Variants in MVB12B observed in about 807,000 individuals in gnomAD.
MVB12B encodes ESCRT-I complex subunit MVB12B.
A neutral mutation model predicts 41.6 loss-of-function variants in MVB12B; 16 were observed. That is an observed-to-expected ratio of 0.38 (90% CI 0.26 to 0.58). MVB12B has a LOEUF of 0.58. MVB12B is among the 20% of genes least tolerant of loss of function. MVB12B has a pLI of 0.62. For synonymous variants in MVB12B, 133 were observed against 139.7 expected (o/e 0.95, Z 0.34); for missense variants, 274 against 380.2 (o/e 0.72, Z 2.32).
intron 2 of MVB12B, among the ~76,000 whole-genome samples, chr9:126,374,721 T>C (rs1830434514): frequency 6.6e-6 from 1 of 152,194 alleles, no homozygotes. Flanking sequence ...CTTTGGACAT[T>C]GTCACCCACT....
chr9:126,424,649 C>T (rs1000457263), intron 7 of MVB12B, among the ~76,000 whole-genome samples: 6 of 152,186 alleles, frequency 3.9e-5, no homozygotes, highest in Non-Finnish European at 7.3e-5. Flanking sequence ...TGCATTCTGC[C>T]GACCAAAATT....
intron 2 of MVB12B, among the ~76,000 whole-genome samples, chr9:126,378,595 GTC>G (rs550976810): frequency 6.6e-6 from 1 of 151,360 alleles, no homozygotes; most frequent in Admixed American, 6.6e-5. Context: ...GGTTAGGGGA[GTC>G]TCTCTCTCTC....
chr9:126,450,533 C>T (rs1339023630), intron 7 of MVB12B, among the ~76,000 whole-genome samples: 1 of 152,164 alleles, frequency 6.6e-6, no homozygotes, highest in East Asian at 1.9e-4. Flanking sequence ...GGATTATTTA[C>T]AGGAAACTGC....
intron 3 of MVB12B, among the ~76,000 whole-genome samples, chr9:126,382,859 C>T (rs953497303): frequency 5.9e-5 from 9 of 152,042 alleles, no homozygotes; most frequent in Non-Finnish European, 1.0e-4. Context: ...CATTGGGTGT[C>T]ATGGGTAAGT....
At chr9:126,415,542 G>A (rs998830352) in intron 6 of MVB12B, among the ~76,000 whole-genome samples, 7 of 152,142 alleles carry the variant, frequency 4.6e-5, no homozygotes, top group African/African-American at 1.7e-4. Flanking sequence ...TAAAAATATC[G>A]TGAATCAGAA....
Position 126,459,970 on chromosome 9 carries a change from T to C in MVB12B, c.758-21399T>C, listed in dbSNP as rs567629194. On this transcript the variant is annotated intron_variant, in intron 7 of 9. Transcript: ENST00000361171. This position sits in a 1 kb window ranked among gnomAD's most constrained non-coding sequence, Gnocchi z 4.3. ...GATTTGGGGCATGTGCTTTGGACTT[T>C]GAATTTGAGGCTCCCATTTGAAACC... 6.6e-6 allele frequency among the ~76,000 whole-genome samples: 1 copy of C among 152,322 alleles called. No individual in the cohort carries two copies. The highest frequency in any genetic ancestry group is 2.1e-4 in the South Asian group (1 of 4,818).
intron 9 of MVB12B, among the ~76,000 whole-genome samples, chr9:126,489,743 C>T (rs1424803844): frequency 6.6e-6 from 1 of 152,208 alleles, no homozygotes; most frequent in Non-Finnish European, 1.5e-5. Flanking sequence ...ACCTCCGTCA[C>T]CTCGCACCCA....
At chr9:126,446,223 AT>A (rs1200792859) in intron 7 of MVB12B, among the ~76,000 whole-genome samples, 2 of 151,852 alleles carry the variant, frequency 1.3e-5, no homozygotes, top group Admixed American at 1.3e-4. Context: ...GTAGTATAAT[AT>A]TTTTTCTCAC....
At chr9:126,366,793 C>CT (rs2118911107) in intron 2 of MVB12B, among the ~76,000 whole-genome samples, 1 of 152,246 alleles carries the variant, frequency 6.6e-6, no homozygotes, top group South Asian at 2.1e-4. Flanking sequence ...GCGTCTGGCC[C>CT]TGCCAGGCGC....
chr9:126,496,643 A>C (rs1202044298), intron 9 of MVB12B, among the ~76,000 whole-genome samples: 1 of 152,028 alleles, frequency 6.6e-6, no homozygotes, highest in Non-Finnish European at 1.5e-5. Flanking sequence ...GTGGTCCTTA[A>C]GGACACGTAG....
Position 126,459,125 on chromosome 9 carries a change from G to A in MVB12B, c.758-22244G>A, listed in dbSNP as rs139586381. Reference sequence around the variant, plus strand: ...GGTCTGGACCTAAGAGAACCCCCAGGTTGGGTTACATACTAAGGAAAAAGT... The same window carrying A: ...GGTCTGGACCTAAGAGAACCCCCAGATTGGGTTACATACTAAGGAAAAAGT... On this transcript the variant is annotated intron_variant, in intron 7 of 9. Transcript: ENST00000361171. This position sits in a 1 kb window ranked among gnomAD's most constrained non-coding sequence, Gnocchi z 4.3. Among the ~76,000 whole-genome samples the A allele has an allele frequency of 2.0e-5, 3 of 152,324 alleles. No individual in the cohort carries two copies. Among genetic ancestry groups the A allele is most frequent in the African/African-American group, 7.2e-5 (3 of 41,580 alleles).
intron 7 of MVB12B, 110 bp downstream of exon 7, chr9:126,422,058 T>C (rs1172576062): frequency 1.3e-6 from 1 of 795,864 alleles, no homozygotes; most frequent in African/African-American, 1.7e-5. Flanking sequence ...ACCTCTCTTT[T>C]CTTCCCTGCA....
intron 2 of MVB12B, among the ~76,000 whole-genome samples, chr9:126,368,456 A>G (rs962433958): frequency 2.6e-5 from 4 of 152,218 alleles, no homozygotes; most frequent in Non-Finnish European, 4.4e-5. Flanking sequence ...TGCACCCTCC[A>G]TAATGAAATC....
intron 7 of MVB12B, among the ~76,000 whole-genome samples, chr9:126,447,844 A>C (rs1832813258): frequency 6.6e-6 from 1 of 152,178 alleles, no homozygotes; most frequent in Non-Finnish European, 1.5e-5. Context: ...GTTCCTATGC[A>C]GTGTTATTGA....
chr9:126,420,561 CTTTTTTTTTTT>C (rs567217742), intron 6 of MVB12B, among the ~76,000 whole-genome samples: 1 of 98,868 alleles, frequency 1.0e-5, no homozygotes, highest in South Asian at 3.5e-4. Context: ...TCCCAGGAGT[CTTTTTTTTTTT>C]TTTTTTTTTT....
rs941043636 is a variant in MVB12B, at chr9:126,444,554, G to T, written c.757+22606G>T. Among the ~76,000 whole-genome samples, 48 of 152,194 alleles carry T rather than the reference G, an allele frequency of 3.2e-4. 1 individual carries two copies. Among genetic ancestry groups the T allele is most frequent in the African/African-American group, 1.2e-3 (48 of 41,444 alleles). The stretch of plus-strand genomic sequence containing the variant: ...TCTTAATTTTGTTTGTGGAGTTGCA[G>T]GAGCTCCTCTTGCAACAAGGCCTTC... On this transcript the variant is annotated intron_variant, in intron 7 of 9. Transcript: ENST00000361171.
At chr9:126,493,318 T>C (rs530318879) in intron 9 of MVB12B, among the ~76,000 whole-genome samples, 20 of 152,322 alleles carry the variant, frequency 1.3e-4, no homozygotes, top group Non-Finnish European at 2.5e-4. Context: ...GTTGGCGATC[T>C]TTCTTTGACT....
rs954911010 is a variant in MVB12B, at chr9:126,436,100, A to G, written c.757+14152A>G. Reference sequence around the variant, plus strand: ...TTTATTAAAACAGGTAATTTTGGGGAAAAAAAGAGATGCTGTTTTTTGGAT... The same window carrying G: ...TTTATTAAAACAGGTAATTTTGGGGGAAAAAAGAGATGCTGTTTTTTGGAT... On this transcript the variant is annotated intron_variant, in intron 7 of 9. Coordinates refer to ENST00000361171, the MANE Select transcript of MVB12B (RefSeq NM_033446.3). This position sits in a 1 kb window ranked among gnomAD's most constrained non-coding sequence, Gnocchi z 4.1. 2.0e-5 allele frequency among the ~76,000 whole-genome samples: 3 copies of G among 152,138 alleles called. No homozygotes were observed. The highest frequency in any genetic ancestry group is 1.3e-4 in the Admixed American group (2 of 15,266).
intron 7 of MVB12B, among the ~76,000 whole-genome samples, chr9:126,470,860 TTA>T (rs1402544782): frequency 1.4e-4 from 22 of 152,248 alleles, no homozygotes; most frequent in African/African-American, 5.3e-4. Flanking sequence ...ACTTACGTTC[TTA>T]TGTGAAAGCA....
Sources: gnomAD v4.1 joint callset for allele counts (sites outside exome capture counted in the v4.1 genomes callset) on GRCh38, gnomAD v4.1.1 for gene constraint, Gnocchi (gnomAD v3.1) non-coding constraint, MANE v1.5 for transcripts, NCBI Gene and HGNC (gene_info 2026-07-23, HGNC 2026-07-21) for gene names.